Variants in ZCCHC7 observed in about 807,000 individuals in gnomAD.
ZCCHC7 encodes the protein zinc finger CCHC domain-containing protein 7.
A neutral mutation model predicts 52.0 loss-of-function variants in ZCCHC7; 35 were observed. The ratio of observed to expected loss-of-function variants is 0.67; its 90% confidence interval spans 0.51 to 0.89. ZCCHC7 has a LOEUF of 0.89. Ranked by LOEUF, ZCCHC7 falls within the 40% of genes least tolerant of loss-of-function variation. The pLI is 0.00. For synonymous variants in ZCCHC7, 217 were observed against 221.5 expected (o/e 0.98, Z 0.18); for missense variants, 574 against 649.1 (o/e 0.88, Z 1.26).
At chr9:37,241,073 G>T (rs573991773) in intron 2 of ZCCHC7, among the ~76,000 whole-genome samples, 3 of 151,800 alleles carry the variant, frequency 2.0e-5, no homozygotes, top group African/African-American at 7.2e-5. Context: ...TTAATCAAAG[G>T]ATTGATATAC....
intron 2 of ZCCHC7, among the ~76,000 whole-genome samples, chr9:37,279,727 AC>A (rs940996813): frequency 6.6e-6 from 1 of 151,334 alleles, no homozygotes; most frequent in African/African-American, 2.4e-5. Flanking sequence ...TATTAGAAAA[AC>A]ATAATTACAT....
intron 2 of ZCCHC7, among the ~76,000 whole-genome samples, chr9:37,129,296 TAG>T (rs983226731): frequency 2.0e-4 from 30 of 152,204 alleles, no homozygotes; most frequent in African/African-American, 7.2e-4. Flanking sequence ...GATGAGAAAG[TAG>T]AGAGAACCTT....
intron 2 of ZCCHC7, among the ~76,000 whole-genome samples, chr9:37,269,461 T>C (rs1725571219): frequency 6.6e-6 from 1 of 151,018 alleles, no homozygotes; most frequent in African/African-American, 2.4e-5. Flanking sequence ...CTACTAAAAA[T>C]TTTAAAAATT....
intron 2 of ZCCHC7, among the ~76,000 whole-genome samples, chr9:37,295,411 A>AAGG (rs1367001234): frequency 1.1e-4 from 16 of 152,346 alleles, no homozygotes; most frequent in African/African-American, 3.8e-4. Context: ...TGTAGGCAGC[A>AAGG]AGGGACCATT....
intron 2 of ZCCHC7, among the ~76,000 whole-genome samples, chr9:37,274,237 A>G (rs1489339501): frequency 6.8e-6 from 1 of 147,236 alleles, no homozygotes; most frequent in Non-Finnish European, 1.5e-5. Flanking sequence ...TATACACACA[A>G]TTCTGAACCA....
intron 2 of ZCCHC7, among the ~76,000 whole-genome samples, chr9:37,190,302 A>G (rs1822951551): frequency 6.6e-6 from 1 of 151,012 alleles, no homozygotes; most frequent in South Asian, 2.1e-4. Context: ...AAAAATGCCT[A>G]GGGAATTTTC....
intron 5 of ZCCHC7, 31 bp downstream of exon 5, chr9:37,305,745 G>T: frequency 6.2e-7 from 1 of 1,606,444 alleles, no homozygotes; most frequent in East Asian, 2.2e-5. Flanking sequence ...TAATTTGTCA[G>T]GCTTTGGAGG....
chr9:37,183,951 T>A, intron 2 of ZCCHC7, among the ~76,000 whole-genome samples: 1 of 152,226 alleles, frequency 6.6e-6, no homozygotes, highest in Non-Finnish European at 1.5e-5. Flanking sequence ...AATTCAAGCA[T>A]AGCTCCTTCT....
At chr9:37,188,533 CCTT>C (rs910907687) in intron 2 of ZCCHC7, among the ~76,000 whole-genome samples, 1 of 92,720 alleles carries the variant, frequency 1.1e-5, no homozygotes, top group Non-Finnish European at 2.2e-5. Context: ...CCCCACCCCT[CCTT>C]ATTACCCTCC....
chr9:37,167,125 T>C (rs1821464497), intron 2 of ZCCHC7, among the ~76,000 whole-genome samples: 1 of 152,176 alleles, frequency 6.6e-6, no homozygotes, highest in South Asian at 2.1e-4. Context: ...AGTGATGCTT[T>C]TTATGGGTTA....
intron 2 of ZCCHC7, among the ~76,000 whole-genome samples, chr9:37,194,273 C>T (rs1416743716): frequency 6.6e-6 from 1 of 151,914 alleles, no homozygotes; most frequent in Non-Finnish European, 1.5e-5. Flanking sequence ...TACTTGATTC[C>T]TGGTGATTTA....
chr9:37,232,816 CTGTT>C (rs1243023315), intron 2 of ZCCHC7, among the ~76,000 whole-genome samples: 1 of 152,118 alleles, frequency 6.6e-6, no homozygotes, highest in Non-Finnish European at 1.5e-5. Context: ...TCTTCCCTTT[CTGTT>C]TGTTCTTTCG....
At chr9:37,196,190 A>AC (rs1823276413) in intron 2 of ZCCHC7, among the ~76,000 whole-genome samples, 1 of 152,152 alleles carries the variant, frequency 6.6e-6, no homozygotes, top group Admixed American at 6.5e-5. Flanking sequence ...ACACACTCAA[A>AC]CCTCTGCCTT....
intron 2 of ZCCHC7, among the ~76,000 whole-genome samples, chr9:37,292,762 T>G: frequency 6.6e-6 from 1 of 152,190 alleles, no homozygotes; most frequent in East Asian, 1.9e-4. Context: ...TTAGTATTTT[T>G]AGAGTTTTTA....
At chr9:37,184,499 C>G (rs1822543856) in intron 2 of ZCCHC7, among the ~76,000 whole-genome samples, 1 of 151,946 alleles carries the variant, frequency 6.6e-6, no homozygotes, top group African/African-American at 2.4e-5. Flanking sequence ...TCCTGCTCTC[C>G]TGATCTCTTA....
chr9:37,218,247 G>A (rs1408820016), intron 2 of ZCCHC7, among the ~76,000 whole-genome samples: 1 of 152,010 alleles, frequency 6.6e-6, no homozygotes, highest in Non-Finnish European at 1.5e-5. Flanking sequence ...AAATCTTTGT[G>A]GATTCAAATC....
chr9:37,230,097 T>G (rs1825323799), intron 2 of ZCCHC7, among the ~76,000 whole-genome samples: 1 of 152,198 alleles, frequency 6.6e-6, no homozygotes, highest in Non-Finnish European at 1.5e-5. Flanking sequence ...TCATCTCCTG[T>G]GGTAAAAATG....
At chr9:37,260,254 A>G (rs796618099) in intron 2 of ZCCHC7, among the ~76,000 whole-genome samples, 11 of 152,316 alleles carry the variant, frequency 7.2e-5, no homozygotes, top group African/African-American at 2.4e-4. Flanking sequence ...CCGCTCTTTC[A>G]TGGGGCTGCT....
intron 1 of ZCCHC7, among the ~76,000 whole-genome samples, chr9:37,122,704 C>T (rs1842365797): frequency 6.6e-6 from 1 of 152,202 alleles, no homozygotes; most frequent in South Asian, 2.1e-4. Flanking sequence ...CTTTGGGAGT[C>T]CGAGTGGGGC....
Sources: allele counts gnomAD v4.1 joint callset (sites outside exome capture counted in the v4.1 genomes callset), GRCh38; gene constraint gnomAD v4.1.1; transcripts MANE v1.5; gene names NCBI Gene and HGNC (gene_info 2026-07-23, HGNC 2026-07-21).